Variants in GAK observed in about 807,000 individuals in gnomAD.
GAK encodes cyclin G associated kinase.
In GAK, 79 loss-of-function variants were observed where a neutral mutation model predicts 143.9. That is an observed-to-expected ratio of 0.55 (90% CI 0.46 to 0.66). GAK has a LOEUF of 0.66. Ranked by LOEUF, GAK falls within the 30% of genes least tolerant of loss-of-function variation. The pLI is 0.00. For missense variants in GAK, 1,693 were observed against 1,779.7 expected (o/e 0.95, Z 0.88); for synonymous variants, 881 against 765.5 (o/e 1.15, Z -2.49).
chr4:884,077 C>G lies in GAK; in HGVS notation c.1215G>C (p.Lys405Asn). The G allele has an allele frequency of 1.2e-6, 2 of 1,613,512 alleles. No individual in the cohort carries two copies. The highest frequency in any genetic ancestry group is 8.5e-7 in the Non-Finnish European group (1 of 1,179,564). Residue 405 changes from lysine to asparagine, a missense_variant, in exon 12 of 28, where the codon AAG (lysine) becomes AAC (asparagine). Physicochemically the swap from Lys to Asn is moderately conservative, Grantham distance 94 (BLOSUM62 0). Transcript: ENST00000314167. ...TGATGTAAGATATGTCCAGGTCACC[C>G]TTTGCATAACTGGAATTAAAAAGAA... Reference protein sequence around the residue: ...KVIQSVANYAKGDLDISYITS... With the variant: ...KVIQSVANYANGDLDISYITS...
At chr4:895,015 A>AAATAAATAAATAAAT (rs59025740) in intron 7 of GAK, among the ~76,000 whole-genome samples, 73 of 103,990 alleles carry the variant, frequency 7.0e-4, no homozygotes, top group Middle Eastern at 6.1e-3. Context: ...ATAAATAAAT[A>AAATAAATAAATAAAT]AAGGTTCCTT....
rs1064207 is a variant in GAK, at chr4:866,404, A to G, written c.3003T>C (p.Ser1001=). 1,012,807 of 1,613,612 alleles carry G rather than the reference A, an allele frequency of 0.63. 320,765 individuals are homozygous for G. Among genetic ancestry groups the G allele is most frequent in the South Asian group, 0.81 (73,796 of 91,082 alleles). The change falls in exon 22 of 28, where the codon AGT becomes AGC. Residue 1001 remains serine (S), a synonymous_variant. Transcript: ENST00000314167. ...CGGCGCTGCAGGATGGGGGCGGAGCACTGTGGGCAGACGGGAAGGATGGTG... is the reference window on the plus strand; with the variant it reads ...CGGCGCTGCAGGATGGGGGCGGAGCGCTGTGGGCAGACGGGAAGGATGGTG... ...TVPPSFPSAH[S]APPPSCSADF...
chr4:897,758 G>A (rs1719072509), intron 6 of GAK, among the ~76,000 whole-genome samples: 1 of 152,222 alleles, frequency 6.6e-6, no homozygotes, highest in Non-Finnish European at 1.5e-5. Flanking sequence ...AGACCATCCT[G>A]GCCAACACGG....
chr4:859,001 T>C (rs1749781745), intron 24 of GAK, among the ~76,000 whole-genome samples: 1 of 152,206 alleles, frequency 6.6e-6, no homozygotes, highest in South Asian at 2.1e-4. Context: ...CCCCTTCAGA[T>C]GATCATCCCC....
intron 1 of GAK, among the ~76,000 whole-genome samples, chr4:922,361 A>G (rs1724047804): frequency 6.6e-6 from 1 of 152,048 alleles, no homozygotes; most frequent in African/African-American, 2.4e-5. Context: ...CTAAAAATAC[A>G]AAAATCAGCG....
Position 849,543 on chromosome 4 carries a change from G to C in GAK, c.*130C>G, listed in dbSNP as rs983510870. 2 of 653,366 alleles carry C rather than the reference G, an allele frequency of 3.1e-6. No individual in the cohort carries two copies. Among genetic ancestry groups the C allele is most frequent in the African/African-American group, 3.6e-5 (2 of 54,816 alleles). The allele number at this position is 653,366 out of a possible 1,614,324, so 40.5% of individuals were successfully genotyped here. A position where few individuals can be genotyped will look rare whatever the true frequency, so the allele number is the denominator to read the frequency against. On this transcript the variant is annotated 3_prime_UTR_variant, in exon 28 of 28. Transcript: ENST00000314167. ...ATGTGCCTGGAACGCTGGGCGGGCG[G>C]TGACCCGGGGCTCGGAGCCCCACCC...
At chr4:902,912 G>A (rs1190600426) in intron 5 of GAK, among the ~76,000 whole-genome samples, 1 of 151,880 alleles carries the variant, frequency 6.6e-6, no homozygotes, top group African/African-American at 2.4e-5. Flanking sequence ...AGACCCGAAT[G>A]ACTATAACAA....
At chr4:929,741 C>T (rs1199046838) in intron 1 of GAK, among the ~76,000 whole-genome samples, 1 of 151,764 alleles carries the variant, frequency 6.6e-6, no homozygotes, top group East Asian at 1.9e-4. Context: ...AGAAAGCTAT[C>T]TGGTTCCACA....
intron 2 of GAK, among the ~76,000 whole-genome samples, chr4:913,009 G>A (rs1026121333): frequency 6.6e-6 from 1 of 152,232 alleles, no homozygotes; most frequent in African/African-American, 2.4e-5. Context: ...CACAAGAAAA[G>A]TCAAAAGCAG....
Position 898,174 on chromosome 4 carries a change from A to G in GAK, c.526-16T>C, listed in dbSNP as rs1319043511. 1.2e-6 allele frequency: 2 copies of G among 1,613,418 alleles called. No homozygotes were observed. Among genetic ancestry groups the G allele is most frequent in the African/African-American group, 2.7e-5 (2 of 74,936 alleles). On this transcript the variant is annotated splice_polypyrimidine_tract_variant and intron_variant, in intron 5 of 27. Transcript: ENST00000314167. Reference sequence around the variant, plus strand: ...AGTTCTCAACCTGTAAAATTCCACAAGACAGCCCCGTGAACTTGGCGTAGA... The same window carrying G: ...AGTTCTCAACCTGTAAAATTCCACAGGACAGCCCCGTGAACTTGGCGTAGA...
Position 865,371 on chromosome 4 carries a change from G to A in GAK, c.3044-127C>T, listed in dbSNP as rs570982884. On this transcript the variant is annotated intron_variant, in intron 22 of 27. Transcript: ENST00000314167. The stretch of plus-strand genomic sequence containing the variant: ...CTTGCACCCAGGCTGAGCTGAGGCT[G>A]GGCTGACGGCCTCTCTCTTCCTGAA... The A allele has an allele frequency of 5.1e-6, 6 of 1,186,818 alleles. 1 individual carries two copies. The South Asian group carries it at 8.0e-5, about 16-fold the overall frequency. The allele number at this position is 1,186,818 out of a possible 1,614,324, so 73.5% of individuals were successfully genotyped here.
In GAK at chr4:865,103, T is replaced by C. The variant is rs1342078780; in HGVS notation, c.3166+19A>G. Reference sequence around the variant, plus strand: ...GCTGCACGTCTGGGAGCCCTGTCCTTGGTGGGTGGTGGCCATACCTTCTGT... The same window carrying C: ...GCTGCACGTCTGGGAGCCCTGTCCTCGGTGGGTGGTGGCCATACCTTCTGT... On this transcript the variant is annotated intron_variant, in intron 23 of 27. Transcript: ENST00000314167. The C allele has an allele frequency of 1.2e-6, 2 of 1,602,574 alleles. No homozygotes were observed. The highest frequency in any genetic ancestry group is 1.7e-4 in the Middle Eastern group (1 of 6,012).
At chr4:883,509 G>A (rs370898736) in intron 12 of GAK, 46 bp from the exon 13 acceptor site, 57 of 1,602,932 alleles carry the variant, frequency 3.6e-5, no homozygotes, top group Admixed American at 8.4e-5. Context: ...TGCGCACCTC[G>A]TGGCCAGGCT....
chr4:898,421 G>A (rs1010833387), intron 5 of GAK, among the ~76,000 whole-genome samples: 8 of 152,250 alleles, frequency 5.3e-5, no homozygotes, highest in Non-Finnish European at 5.9e-5. Flanking sequence ...CCGAGGGGCT[G>A]AGGGATTTCA....
intron 23 of GAK, among the ~76,000 whole-genome samples, chr4:863,834 C>A (rs1405376594): frequency 6.6e-6 from 1 of 150,966 alleles, no homozygotes; most frequent in East Asian, 2.0e-4. Flanking sequence ...ACCAGCCCGA[C>A]CAACATAGTG....
chr4:884,005 G>GCGCGT, intron 12 of GAK, 32 bp downstream of exon 12: 1 of 1,603,520 alleles, frequency 6.2e-7, no homozygotes, highest in Non-Finnish European at 8.5e-7. Context: ...AAGGGCCGGG[G>GCGCGT]CGCGTCCCAC....
chr4:861,655 G>A (rs1750297797), intron 23 of GAK, among the ~76,000 whole-genome samples: 3 of 152,232 alleles, frequency 2.0e-5, no homozygotes, highest in Admixed American at 6.5e-5. Flanking sequence ...AATTGTGAAT[G>A]CAAAGGAAAA....
intron 6 of GAK, among the ~76,000 whole-genome samples, chr4:897,819 T>C (rs542054303): frequency 6.6e-6 from 1 of 152,112 alleles, no homozygotes; most frequent in South Asian, 2.1e-4. Context: ...CGTGGTGGTG[T>C]GTGCCTGTAA....
Position 851,100 on chromosome 4 carries a change from A to C in GAK, c.3509-16T>G, listed in dbSNP as rs746802511. 4 of 1,610,746 alleles carry C rather than the reference A, an allele frequency of 2.5e-6. No homozygotes were observed. In the South Asian group the frequency reaches 4.4e-5, roughly 18 times the overall value. The stretch of plus-strand genomic sequence containing the variant: ...GGCTTTTGAGCTAGAAAAGAACAGA[A>C]ACTTTTTTTTGTTTGAGACAGGGTC... On this transcript the variant is annotated splice_polypyrimidine_tract_variant and intron_variant, in intron 25 of 27. Coordinates refer to ENST00000314167, the MANE Select transcript of GAK (RefSeq NM_005255.4).
Sources: gnomAD v4.1 joint callset for allele counts (sites outside exome capture counted in the v4.1 genomes callset) on GRCh38, gnomAD v4.1.1 for gene constraint, MANE v1.5 for transcripts, NCBI Gene and HGNC (gene_info 2026-07-23, HGNC 2026-07-21) for gene names.